The following REDIC1 variants were observed in gnomAD, a reference collection of about 807,000 sequenced individuals.
REDIC1 encodes the protein regulator of DNA class I crossover intermediates 1.
At chr12:39,860,016 C>G in the REDIC1 span, among the ~76,000 whole-genome samples, 1 of 152,022 alleles carries the variant, frequency 6.6e-6, no homozygotes. Flanking sequence ...GTCCTTGGTC[C>G]AAAGCAAGAA....
the REDIC1 span, among the ~76,000 whole-genome samples, chr12:39,800,431 C>G: frequency 6.8e-6 from 1 of 147,188 alleles, no homozygotes; most frequent in Non-Finnish European, 1.5e-5. Context: ...AAAAAGTGGG[C>G]GAAGGACATG....
chr12:39,691,022 A>G, the REDIC1 span, among the ~76,000 whole-genome samples: 65 of 152,132 alleles, frequency 4.3e-4, no homozygotes, highest in Non-Finnish European at 9.1e-4. Context: ...TTTTTAAATG[A>G]TAAGATAGAG....
chr12:39,849,729 G>C, the REDIC1 span, among the ~76,000 whole-genome samples: 1 of 152,042 alleles, frequency 6.6e-6, no homozygotes, highest in Non-Finnish European at 1.5e-5. Flanking sequence ...TTTCATTTAT[G>C]TGTAGATTTC....
chr12:39,650,453 A>T, the REDIC1 span: 1 of 1,466,630 alleles, frequency 6.8e-7, no homozygotes, highest in African/African-American at 1.4e-5. This position sits in a 1 kb window ranked among gnomAD's most constrained non-coding sequence, Gnocchi z 4.3. Flanking sequence ...AGTTAAAAAT[A>T]TAAACAGTCC....
At chr12:39,731,837 T>TTA in the REDIC1 span, among the ~76,000 whole-genome samples, 1 of 151,512 alleles carries the variant, frequency 6.6e-6, no homozygotes, top group Admixed American at 6.6e-5. Flanking sequence ...CTTTCTTTTT[T>TTA]TTTTTTTGTT....
the REDIC1 span, among the ~76,000 whole-genome samples, chr12:39,786,671 A>C: frequency 6.6e-6 from 1 of 152,212 alleles, no homozygotes; most frequent in African/African-American, 2.4e-5. Flanking sequence ...AATCAGAGTC[A>C]GAAACTTTTA....
the REDIC1 span, among the ~76,000 whole-genome samples, chr12:39,694,356 T>A: frequency 6.6e-6 from 1 of 152,096 alleles, no homozygotes; most frequent in East Asian, 1.9e-4. Context: ...GGAAAAACAG[T>A]CTTGAGTCAC....
At chr12:39,683,754 A>T in the REDIC1 span, among the ~76,000 whole-genome samples, 14 of 151,954 alleles carry the variant, frequency 9.2e-5, no homozygotes, top group South Asian at 1.9e-3. Flanking sequence ...TGTTCAAGAA[A>T]CTCATATCCG....
the REDIC1 span, chr12:39,755,653 ACTT>A: frequency 2.6e-5 from 4 of 152,048 alleles, no homozygotes; most frequent in Admixed American, 6.6e-5. Context: ...TGCATGATCC[ACTT>A]CTTTTTCTCA....
chr12:39,734,736 CTCT>C, the REDIC1 span, among the ~76,000 whole-genome samples: 12 of 152,210 alleles, frequency 7.9e-5, no homozygotes, highest in Admixed American at 7.9e-4. Context: ...ATCTATATAT[CTCT>C]TCTTATGCCA....
the REDIC1 span, among the ~76,000 whole-genome samples, chr12:39,695,859 G>C: frequency 1.5e-3 from 233 of 152,272 alleles, 2 homozygotes; most frequent in African/African-American, 5.4e-3. Context: ...ATGGCCATGG[G>C]GATGCTATGT....
At chr12:39,626,428 G>A in the REDIC1 span, 16 of 1,593,860 alleles carry the variant, frequency 1.0e-5, no homozygotes, top group African/African-American at 1.3e-5. Context: ...AGTTCCTGGC[G>A]GAGAGGTCAC....
chr12:39,665,348 G>A, the REDIC1 span, among the ~76,000 whole-genome samples: 2 of 152,088 alleles, frequency 1.3e-5, no homozygotes, highest in Non-Finnish European at 2.9e-5. Context: ...CCCATTTCTT[G>A]TTTTTGTCAG....
the REDIC1 span, among the ~76,000 whole-genome samples, chr12:39,659,545 G>A: frequency 1.3e-5 from 2 of 151,708 alleles, no homozygotes; most frequent in Admixed American, 1.3e-4. Flanking sequence ...TCTTCCGTGT[G>A]GTCTTATCTG....
chr12:39,795,424 T>C, the REDIC1 span, among the ~76,000 whole-genome samples: 1 of 152,320 alleles, frequency 6.6e-6, no homozygotes, highest in East Asian at 1.9e-4. Flanking sequence ...TCTCTTTTAT[T>C]TTTTAAATAT....
the REDIC1 span, among the ~76,000 whole-genome samples, chr12:39,645,326 C>A: frequency 2.6e-5 from 4 of 152,072 alleles, no homozygotes; most frequent in South Asian, 8.3e-4. Flanking sequence ...AGAAAGCAAG[C>A]TTTACTAATC....
At chr12:39,826,614 A>C in the REDIC1 span, among the ~76,000 whole-genome samples, 1 of 151,652 alleles carries the variant, frequency 6.6e-6, no homozygotes, top group East Asian at 1.9e-4. Context: ...AAAAAAATAA[A>C]AAGCAGAAAA....
chr12:39,666,910 A>T, the REDIC1 span, among the ~76,000 whole-genome samples: 1 of 152,028 alleles, frequency 6.6e-6, no homozygotes, highest in Non-Finnish European at 1.5e-5. Context: ...ATTGGTAGTG[A>T]TATCCCCTTT....
the REDIC1 span, among the ~76,000 whole-genome samples, chr12:39,675,641 G>A: frequency 6.6e-6 from 1 of 152,208 alleles, no homozygotes; most frequent in East Asian, 1.9e-4. Flanking sequence ...GCTAGCATAA[G>A]CAGCATTTGA....
Sources: allele counts gnomAD v4.1 joint callset (sites outside exome capture counted in the v4.1 genomes callset), GRCh38; gene constraint gnomAD v4.1.1; non-coding constraint Gnocchi (gnomAD v3.1); transcripts MANE v1.5; gene names NCBI Gene and HGNC (gene_info 2026-07-23, HGNC 2026-07-21).